DLGAP2: variants seen among roughly 807,000 people sequenced by gnomAD.
DLGAP2 encodes the protein disks large-associated protein 2.
Under a neutral mutation model 100.3 loss-of-function variants are expected in DLGAP2, and 26 were observed. The observed-to-expected ratio is 0.26, with a 90% CI of 0.19 to 0.36. DLGAP2 has a LOEUF of 0.36. Ranked by LOEUF, DLGAP2 falls within the 10% of genes least tolerant of loss-of-function variation. The pLI is 1.00. For missense variants in DLGAP2, 1,858 were observed against 1,453.2 expected (o/e 1.28, Z -4.53); for synonymous variants, 886 against 630.1 (o/e 1.41, Z -6.08).
chr8:1,500,306 G>T (rs567347481), intron 3 of DLGAP2, among the ~76,000 whole-genome samples: 7 of 152,304 alleles, frequency 4.6e-5, no homozygotes, highest in Non-Finnish European at 1.0e-4. Context: ...ATCCAGCTGT[G>T]TCTACACTGC....
chr8:1,535,911 G>T (rs2130471344), intron 4 of DLGAP2, among the ~76,000 whole-genome samples: 1 of 152,340 alleles, frequency 6.6e-6, no homozygotes, highest in South Asian at 2.1e-4. Context: ...TTGGTGGTCA[G>T]CCAGCACAAG....
chr8:749,376 C>G (rs530565001), intron 1 of DLGAP2, among the ~76,000 whole-genome samples: 2 of 152,280 alleles, frequency 1.3e-5, no homozygotes, highest in African/African-American at 2.4e-5. Flanking sequence ...ATTCCGTGAC[C>G]TAGAAATTAT....
At chr8:1,460,938 A>T (rs1308518323) in intron 3 of DLGAP2, among the ~76,000 whole-genome samples, 4 of 152,210 alleles carry the variant, frequency 2.6e-5, no homozygotes, top group African/African-American at 9.6e-5. Flanking sequence ...GCATAAACAC[A>T]AGGGTACCAT....
intron 4 of DLGAP2, among the ~76,000 whole-genome samples, chr8:1,535,546 G>A (rs1801129188): frequency 2.0e-5 from 3 of 152,252 alleles, no homozygotes; most frequent in African/African-American, 7.2e-5. Context: ...GGCATGCCTG[G>A]CACACACGTT....
In DLGAP2 at chr8:1,318,759, A is replaced by C. The variant is rs895395436; in HGVS notation, c.106+59876A>C. On this transcript the variant is annotated intron_variant, in intron 3 of 14. Transcript: ENST00000637795. ...TATTTTTACTGTTTTCATTGTAACT[A>C]ATCCATTGTCAGTGATCAGCCCCCC... Among the ~76,000 whole-genome samples, 3 of 149,260 alleles carry C rather than the reference A, an allele frequency of 2.0e-5. No individual in the cohort carries two copies. The Admixed American group carries it at 2.0e-4, about 10-fold the overall frequency.
At chr8:1,138,552 C>A (rs945886681) in intron 2 of DLGAP2, among the ~76,000 whole-genome samples, 7 of 152,232 alleles carry the variant, frequency 4.6e-5, no homozygotes, top group East Asian at 1.9e-4. Flanking sequence ...GGGACACAGG[C>A]AGCCCATTAG....
At chr8:1,377,712 C>G (rs764446878) in intron 3 of DLGAP2, among the ~76,000 whole-genome samples, 13 of 152,194 alleles carry the variant, frequency 8.5e-5, no homozygotes, top group Non-Finnish European at 1.9e-4. Context: ...GCAGCTCCCT[C>G]CTGTCTCCTC....
At chr8:1,674,760 G>C (rs1798770259) in intron 10 of DLGAP2, among the ~76,000 whole-genome samples, 1 of 152,118 alleles carries the variant, frequency 6.6e-6, no homozygotes, top group Non-Finnish European at 1.5e-5. Context: ...CATTTATAAT[G>C]GCAGAAAACT....
chr8:864,672 T>G (rs938053123), intron 1 of DLGAP2, among the ~76,000 whole-genome samples: 3 of 152,194 alleles, frequency 2.0e-5, no homozygotes, highest in Non-Finnish European at 4.4e-5. Flanking sequence ...CAGTCACCGG[T>G]GCACTTTCAG....
intron 2 of DLGAP2, among the ~76,000 whole-genome samples, chr8:1,225,233 C>A (rs1254246889): frequency 6.6e-6 from 1 of 152,312 alleles, no homozygotes; most frequent in African/African-American, 2.4e-5. Flanking sequence ...GACAACGGAA[C>A]ATTTCTCAGT....
chr8:1,114,908 A>T (rs1228624870), intron 2 of DLGAP2, among the ~76,000 whole-genome samples: 1 of 152,092 alleles, frequency 6.6e-6, no homozygotes, highest in Non-Finnish European at 1.5e-5. Context: ...TGTTCTTATC[A>T]GTTTCAAAGA....
intron 1 of DLGAP2, among the ~76,000 whole-genome samples, chr8:742,655 G>A (rs1052277977): frequency 5.9e-5 from 9 of 151,802 alleles, no homozygotes; most frequent in Admixed American, 5.3e-4. Flanking sequence ...GTATGTCACC[G>A]CACCCAACTA....
chr8:1,630,563 A>G (rs1001547981), intron 7 of DLGAP2, among the ~76,000 whole-genome samples: 3 of 152,096 alleles, frequency 2.0e-5, no homozygotes, highest in Non-Finnish European at 4.4e-5. Context: ...TTAGCTGGGC[A>G]TGGTAGCGGG....
Position 1,702,380 on chromosome 8 carries a change from A to G in DLGAP2, c.*974A>G, listed in dbSNP as rs1286937333. On this transcript the variant is annotated 3_prime_UTR_variant, in exon 15 of 15. Transcript: ENST00000637795. ...GTATCCTTAAAAAAAAACACACACG[A>G]AAAACAAAAGTTTGCTTGTTTAAAA... 1.4e-4 allele frequency: 21 copies of G among 152,546 alleles called. No homozygotes were observed. Among genetic ancestry groups the G allele is most frequent in the Non-Finnish European group, 2.6e-4 (18 of 68,022 alleles). The allele number at this position is 152,546 out of a possible 1,614,324, so 9.4% of individuals were successfully genotyped here. A position where few individuals can be genotyped will look rare whatever the true frequency, so the allele number is the denominator to read the frequency against.
At chr8:854,020 C>T (rs1174002142) in intron 1 of DLGAP2, among the ~76,000 whole-genome samples, 3 of 152,124 alleles carry the variant, frequency 2.0e-5, no homozygotes, top group East Asian at 1.9e-4. Context: ...AGTGAGAAGG[C>T]GCTGTCTCTG....
chr8:1,536,277 C>T (rs999279443), intron 4 of DLGAP2, among the ~76,000 whole-genome samples: 1 of 152,180 alleles, frequency 6.6e-6, no homozygotes, highest in Admixed American at 6.5e-5. Flanking sequence ...ATCTGCCAGT[C>T]ATGGGTAGTG....
chr8:1,447,660 G>A (rs936534828), intron 3 of DLGAP2, among the ~76,000 whole-genome samples: 8 of 152,214 alleles, frequency 5.3e-5, no homozygotes, highest in Non-Finnish European at 1.2e-4. Flanking sequence ...CAGAAGGAAT[G>A]TTACCAGCTT....
chr8:1,409,659 C>T (rs967180310), intron 3 of DLGAP2, among the ~76,000 whole-genome samples: 6 of 152,158 alleles, frequency 3.9e-5, no homozygotes, highest in Non-Finnish European at 8.8e-5. Context: ...CTGGAAGGAC[C>T]AGCGTTTGAA....
chr8:1,344,052 T>C (rs770518811), intron 3 of DLGAP2, among the ~76,000 whole-genome samples: 24 of 151,940 alleles, frequency 1.6e-4, no homozygotes, highest in Admixed American at 6.6e-5. Flanking sequence ...AGGTCCTGTC[T>C]TTACAGTAAT....
Sources: gnomAD v4.1 joint callset for allele counts (sites outside exome capture counted in the v4.1 genomes callset) on GRCh38, gnomAD v4.1.1 for gene constraint, MANE v1.5 for transcripts, NCBI Gene and HGNC (gene_info 2026-07-23, HGNC 2026-07-21) for gene names.